DYNC1H1: variants seen among roughly 807,000 people sequenced by gnomAD.
The protein encoded by DYNC1H1 is cytoplasmic dynein 1 heavy chain 1.
DYNC1H1 carries 51 observed loss-of-function variants against 527.1 expected under a neutral mutation model. The observed-to-expected ratio is 0.10, with a 90% CI of 0.08 to 0.12. DYNC1H1 has a LOEUF of 0.12. Ranked by LOEUF, DYNC1H1 falls within the 10% of genes least tolerant of loss-of-function variation. The pLI, the probability that DYNC1H1 is intolerant of heterozygous loss-of-function variation, is 1.00. For missense variants in DYNC1H1, 2,771 were observed against 5,971.8 expected (o/e 0.46, Z 17.66); for synonymous variants, 2,189 against 2,278.8 (o/e 0.96, Z 1.12).
chr14:102,044,576 A>C lies in DYNC1H1; in HGVS notation c.12903-19A>C. On this transcript the variant is annotated intron_variant, in intron 71 of 77. Transcript: ENST00000360184. The surrounding 1 kb of genome is among the most constrained non-coding windows in gnomAD (Gnocchi z 7.1). ...AGAGGTGACCCCTGACATCATTTCC[A>C]AATGCACTGGTTTTCTAGGCGAGAG... is the stretch of plus-strand genomic sequence containing the variant. The C allele has an allele frequency of 2.5e-6, 4 of 1,614,156 alleles. No homozygotes were observed. The highest frequency in any genetic ancestry group is 3.4e-6 in the Non-Finnish European group (4 of 1,180,038).
At position 102,001,429 on chromosome 14, in the gene DYNC1H1, G is replaced by A; in HGVS notation, c.4395+75G>A. 1 of 1,613,166 alleles carries A rather than the reference G, an allele frequency of 6.2e-7. No homozygotes were observed. The highest frequency in any genetic ancestry group is 8.5e-7 in the Non-Finnish European group (1 of 1,179,306). On this transcript the variant is annotated intron_variant, in intron 20 of 77. Transcript: ENST00000360184. This position sits in a 1 kb window ranked among gnomAD's most constrained non-coding sequence, Gnocchi z 5.0. The stretch of plus-strand genomic sequence containing the variant: ...CATAGATCTGAGCTATGTAAAAATG[G>A]AGCCTTGTCATCTGTGGTCCTTTTG...
Position 102,039,309 on chromosome 14 carries a change from C to T in DYNC1H1, c.11460+55C>T, listed in dbSNP as rs960200894. ...GGGCCCCGCACAGTAGCTCCTTGGC[C>T]GCACAGAGGCTGGCGGGCCCTGCAC... On this transcript the variant is annotated intron_variant, in intron 60 of 77. Coordinates refer to ENST00000360184, the MANE Select transcript of DYNC1H1 (RefSeq NM_001376.5). This position sits in a 1 kb window ranked among gnomAD's most constrained non-coding sequence, Gnocchi z 7.0. 76 of 1,611,514 alleles carry T rather than the reference C, an allele frequency of 4.7e-5. No individual in the cohort carries two copies. Among genetic ancestry groups the T allele is most frequent in the Non-Finnish European group, 6.0e-5 (71 of 1,179,980 alleles).
intron 1 of DYNC1H1, among the ~76,000 whole-genome samples, chr14:101,974,785 A>G (rs1419959537): frequency 1.3e-5 from 2 of 151,856 alleles, no homozygotes; most frequent in African/African-American, 4.8e-5. Context: ...TCCACACCTC[A>G]GCCTCCCAAA....
intron 7 of DYNC1H1, among the ~76,000 whole-genome samples, chr14:101,984,394 C>T (rs965925312): frequency 1.1e-4 from 11 of 96,526 alleles, no homozygotes; most frequent in South Asian, 1.1e-3. Context: ...TATATATATG[C>T]GTATATATGT....
At chr14:101,967,506 G>T (rs2047681886) in intron 1 of DYNC1H1, among the ~76,000 whole-genome samples, 1 of 151,974 alleles carries the variant, frequency 6.6e-6, no homozygotes, top group Non-Finnish European at 1.5e-5. Flanking sequence ...TTGTTTGTTT[G>T]TTTTAGCTAC....
At chr14:102,003,001 T>C in intron 23 of DYNC1H1, 36 bp downstream of exon 23, 1 of 1,613,138 alleles carries the variant, frequency 6.2e-7, no homozygotes, top group South Asian at 1.1e-5. Context: ...TGGAGTCAAG[T>C]TGAATTTCAG....
Position 102,016,891 on chromosome 14 carries a change from C to G in DYNC1H1, c.7740C>G (p.Leu2580=). ...TGGACACAGTCCGCCACGAAGCCCT[C>G]TTGTACACTTGGCTGGCCGAACACA... The part of the protein sequence containing the change: ...PTLDTVRHEA[L]LYTWLAEHKP... The change falls in exon 38 of 78, where the codon CTC becomes CTG. Residue 2580 remains leucine (L), a synonymous_variant. Transcript: ENST00000360184. This position sits in a 1 kb window ranked among gnomAD's most constrained non-coding sequence, Gnocchi z 7.3. 6.2e-7 allele frequency: 1 copy of G among 1,614,252 alleles called. No homozygotes were observed. Among genetic ancestry groups the G allele is most frequent in the Non-Finnish European group, 8.5e-7 (1 of 1,180,052 alleles).
At position 101,987,605 on chromosome 14, in the gene DYNC1H1, C is replaced by T; in HGVS notation, c.2691C>T (p.Pro897=). 1 of 1,614,140 alleles carries T rather than the reference C, an allele frequency of 6.2e-7. No individual in the cohort carries two copies. Among genetic ancestry groups the T allele is most frequent in the Non-Finnish European group, 8.5e-7 (1 of 1,180,038 alleles). Residue 897 remains proline, a synonymous_variant, in exon 9 of 78, where the codon CCC becomes CCT. Coordinates refer to ENST00000360184, the MANE Select transcript of DYNC1H1 (RefSeq NM_001376.5). ...DLNLHSYSNL[P]IWVNKLDMEI... ...ATCTGCACTCCTATTCCAATTTGCC[C>T]ATCTGGGTCAACAAGCTTGACATGG...
chr14:102,009,450 G>T (rs2048233863), intron 29 of DYNC1H1: 2 of 251,252 alleles, frequency 8.0e-6, no homozygotes, highest in South Asian at 9.7e-5. Context: ...TTTTGATGAT[G>T]CTAGGAGCAG....
chr14:102,017,609 C>G lies in DYNC1H1; in HGVS notation c.8177+105C>G. On this transcript the variant is annotated intron_variant, in intron 40 of 77. Coordinates refer to ENST00000360184, the MANE Select transcript of DYNC1H1 (RefSeq NM_001376.5). The surrounding 1 kb of genome is among the most constrained non-coding windows in gnomAD (Gnocchi z 4.6). ...GGTTTTGATAATAAAGACAACAATA[C>G]TGCTTATTGTGGATTCCTCTTGGGT... 1 of 1,565,848 alleles carries G rather than the reference C, an allele frequency of 6.4e-7. No individual in the cohort carries two copies.
rs2048776118 is a variant in DYNC1H1, at chr14:102,049,612, G to A, written c.13515+30G>A. On this transcript the variant is annotated intron_variant, in intron 75 of 77. Transcript: ENST00000360184. The surrounding 1 kb of genome is among the most constrained non-coding windows in gnomAD (Gnocchi z 5.5). ...AGGCGCTCCTGACGAGTCTCGGGTGGTCAGCAGCTGTCCTGGGCTGGGGTG... is the reference window on the plus strand; with the variant it reads ...AGGCGCTCCTGACGAGTCTCGGGTGATCAGCAGCTGTCCTGGGCTGGGGTG... 2.5e-6 allele frequency: 4 copies of A among 1,613,198 alleles called. No individual in the cohort carries two copies. The highest frequency in any genetic ancestry group is 2.5e-6 in the Non-Finnish European group (3 of 1,180,012).
rs2048686717 is a variant in DYNC1H1 at position 102,044,174 on chromosome 14, T to G, written c.12685-100T>G. On this transcript the variant is annotated intron_variant, in intron 70 of 77. Transcript: ENST00000360184. This position sits in a 1 kb window ranked among gnomAD's most constrained non-coding sequence, Gnocchi z 7.1. ...CCCCTCGTGACCGCCAAAGCCTAGC[T>G]GGCCATGGGGAGTGAGGAGGAAAGC... The G allele has an allele frequency of 6.3e-7, 1 of 1,585,274 alleles. No homozygotes were observed. Among genetic ancestry groups the G allele is most frequent in the Non-Finnish European group, 8.6e-7 (1 of 1,167,492 alleles).
intron 34 of DYNC1H1, among the ~76,000 whole-genome samples, chr14:102,013,248 CAA>C (rs57229386): frequency 2.9e-4 from 12 of 41,306 alleles, no homozygotes; most frequent in Admixed American, 1.8e-3. Context: ...GACTCCGTCT[CAA>C]AAAAAAAAAA....
At chr14:102,045,686 T>A (rs964742339) in intron 72 of DYNC1H1, among the ~76,000 whole-genome samples, 1 of 152,170 alleles carries the variant, frequency 6.6e-6, no homozygotes, top group Non-Finnish European at 1.5e-5. Flanking sequence ...AGTGATTTTT[T>A]AAAACCATTC....
rs17512509 is a variant in DYNC1H1 at position 102,018,764 on chromosome 14, C to T, written c.8343+148C>T. The T allele has an allele frequency of 0.022, 22,922 of 1,057,690 alleles. 361 individuals are homozygous for T. Among genetic ancestry groups the T allele is most frequent in the South Asian group, 0.042 (3,076 of 73,028 alleles). The allele number at this position is 1,057,690 out of a possible 1,614,324, so 65.5% of individuals were successfully genotyped here. A position where few individuals can be genotyped will look rare whatever the true frequency, so the allele number is the denominator to read the frequency against. ...TCCTTTGAGCCCAGGAGTTTGAGAC[C>T]AGTCTGGACAACATGGCAAAACCCT... On this transcript the variant is annotated intron_variant, in intron 41 of 77. Coordinates refer to ENST00000360184, the MANE Select transcript of DYNC1H1 (RefSeq NM_001376.5). This position sits in a 1 kb window ranked among gnomAD's most constrained non-coding sequence, Gnocchi z 5.2.
Position 102,033,537 on chromosome 14 carries a change from AACACACTTCAACATGC to A in DYNC1H1, c.10413+54_10413+69del. The A allele has an allele frequency of 6.2e-7, 1 of 1,600,116 alleles. No homozygotes were observed. The highest frequency in any genetic ancestry group is 2.2e-5 in the East Asian group (1 of 44,452). ...CTTTCCTGCTGTGGAAGCAGAGATT[AACACACTTCAACATGC>A]GCTGCATGCACCATGCTGGCCTCGG... On this transcript the variant is annotated intron_variant, in intron 54 of 77. Transcript: ENST00000360184. The surrounding 1 kb of genome is among the most constrained non-coding windows in gnomAD (Gnocchi z 5.6).
rs1037627672 is a variant in DYNC1H1, at chr14:101,987,379, A to G, written c.2539-74A>G. 6 of 1,454,392 alleles carry G rather than the reference A, an allele frequency of 4.1e-6. 1 individual carries two copies. The highest frequency in any genetic ancestry group is 5.7e-6 in the Non-Finnish European group (6 of 1,056,818). 90.1% of individuals were successfully genotyped at this position (1,454,392 alleles called of 1,614,324 possible). Reference sequence around the variant, plus strand: ...AGCATTTGTCAATGTATAATATTTGAGAAGAATGTTATGTGAGAATAAAGG... The same window carrying G: ...AGCATTTGTCAATGTATAATATTTGGGAAGAATGTTATGTGAGAATAAAGG... On this transcript the variant is annotated intron_variant, in intron 8 of 77. Transcript: ENST00000360184.
At position 102,009,933 on chromosome 14, in the gene DYNC1H1, C is replaced by T. The variant is rs939689573; in HGVS notation, c.6068C>T (p.Ala2023Val). 7 of 1,614,112 alleles carry T rather than the reference C, an allele frequency of 4.3e-6. No homozygotes were observed. The highest frequency in any genetic ancestry group is 2.2e-5 in the East Asian group (1 of 44,884). The change falls in exon 30 of 78, where the codon GCG (alanine) becomes GTG (valine). Residue 2023 changes from alanine (A) to valine (V), a missense_variant. Transcript: ENST00000360184. ...TTCATCACCATGAACCCTGGCTACGCGGGCCGGTCTAACCTTCCTGACAAC... is the reference window on the plus strand; with the variant it reads ...TTCATCACCATGAACCCTGGCTACGTGGGCCGGTCTAACCTTCCTGACAAC... ...AIFITMNPGY[A>V]GRSNLPDNLK...
chr14:101,985,651 G>A lies in DYNC1H1; in HGVS notation c.1462-36G>A, dbSNP rs751729871. 3.1e-6 allele frequency: 5 copies of A among 1,611,930 alleles called. No homozygotes were observed. Among genetic ancestry groups the A allele is most frequent in the South Asian group, 2.2e-5 (2 of 91,028 alleles). On this transcript the variant is annotated intron_variant, in intron 7 of 77. Coordinates refer to ENST00000360184, the MANE Select transcript of DYNC1H1 (RefSeq NM_001376.5). This position sits in a 1 kb window ranked among gnomAD's most constrained non-coding sequence, Gnocchi z 5.9. ...AAATAAATTTTAAAGCCTTCGTTTGGTCAGCATTTCTTGATTACATATCTT... is the reference window on the plus strand; with the variant it reads ...AAATAAATTTTAAAGCCTTCGTTTGATCAGCATTTCTTGATTACATATCTT...
Sources: allele counts gnomAD v4.1 joint callset (sites outside exome capture counted in the v4.1 genomes callset), GRCh38; gene constraint gnomAD v4.1.1; non-coding constraint Gnocchi (gnomAD v3.1); transcripts MANE v1.5; gene names NCBI Gene and HGNC (gene_info 2026-07-23, HGNC 2026-07-21).